PAPPA: variants seen among roughly 807,000 people sequenced by gnomAD.
PAPPA encodes the protein pappalysin-1.
A neutral mutation model predicts 164.0 loss-of-function variants in PAPPA; 60 were observed. The observed-to-expected ratio is 0.37, with a 90% CI of 0.30 to 0.45. The LOEUF (loss-of-function observed/expected upper bound fraction) is 0.45, where lower values mean the gene tolerates loss of function less well. Among genes scored for constraint, PAPPA ranks in the 20% least tolerant of loss-of-function variants. PAPPA has a pLI of 1.00. For synonymous variants in PAPPA, 875 were observed against 814.1 expected (o/e 1.07, Z -1.27); for missense variants, 1,782 against 2,087.3 (o/e 0.85, Z 2.85).
At chr9:116,372,812 AG>A (rs1207077951) in intron 19 of PAPPA, among the ~76,000 whole-genome samples, 1 of 152,180 alleles carries the variant, frequency 6.6e-6, no homozygotes, top group Admixed American at 6.5e-5. Flanking sequence ...ATGGTTTGCT[AG>A]GCAATTCTAT....
intron 6 of PAPPA, among the ~76,000 whole-genome samples, chr9:116,227,996 C>T (rs777330700): frequency 1.3e-5 from 2 of 152,108 alleles, no homozygotes; most frequent in Non-Finnish European, 2.9e-5. Flanking sequence ...ACATGTGTTG[C>T]AACTATTCCT....
At chr9:116,367,254 C>T (rs934158003) in intron 18 of PAPPA, among the ~76,000 whole-genome samples, 11 of 152,238 alleles carry the variant, frequency 7.2e-5, no homozygotes, top group Middle Eastern at 3.4e-3. Flanking sequence ...TAGTTCAGTC[C>T]GGTTGAACCA....
At chr9:116,246,724 G>T (rs1451018144) in intron 7 of PAPPA, among the ~76,000 whole-genome samples, 1 of 152,148 alleles carries the variant, frequency 6.6e-6, no homozygotes, top group African/African-American at 2.4e-5. Context: ...AGATAGAAAA[G>T]AAAATGAAGG....
intron 9 of PAPPA, among the ~76,000 whole-genome samples, chr9:116,281,242 C>G (rs1386929505): frequency 6.6e-6 from 1 of 152,020 alleles, no homozygotes; most frequent in Non-Finnish European, 1.5e-5. Context: ...TCGAAGATAC[C>G]TAGAGATGAC....
intron 17 of PAPPA, among the ~76,000 whole-genome samples, chr9:116,356,099 G>C (rs751276814): frequency 2.6e-5 from 4 of 152,068 alleles, no homozygotes; most frequent in Non-Finnish European, 5.9e-5. Flanking sequence ...CTGTTGTAGG[G>C]GAGAGTCACA....
intron 1 of PAPPA, among the ~76,000 whole-genome samples, chr9:116,174,676 C>A (rs1047963294): frequency 1.3e-4 from 19 of 151,980 alleles, no homozygotes; most frequent in African/African-American, 3.6e-4. Flanking sequence ...TGGATTAATT[C>A]TTTCTTTTAG....
chr9:116,198,663 G>A (rs971617753), intron 2 of PAPPA, among the ~76,000 whole-genome samples: 2 of 152,212 alleles, frequency 1.3e-5, no homozygotes, highest in African/African-American at 4.8e-5. Flanking sequence ...GTGTCCTAAA[G>A]GATGATTCGT....
intron 10 of PAPPA, among the ~76,000 whole-genome samples, chr9:116,306,586 A>G (rs975503569): frequency 4.6e-5 from 7 of 152,224 alleles, no homozygotes; most frequent in African/African-American, 1.2e-4. Context: ...TTCCTGGCCC[A>G]GCTGGAATCA....
chr9:116,388,333 C>T (rs1303238220), intron 21 of PAPPA, among the ~76,000 whole-genome samples: 3 of 152,162 alleles, frequency 2.0e-5, no homozygotes. Context: ...AATGGTTGCT[C>T]CAGTGGTTTC....
At chr9:116,188,334 G>T (rs961312734) in intron 2 of PAPPA, 118 bp downstream of exon 2, 4 of 708,306 alleles carry the variant, frequency 5.6e-6, no homozygotes, top group Non-Finnish European at 7.1e-6. Flanking sequence ...TCAACCAGCA[G>T]CTTCATGATT....
intron 7 of PAPPA, among the ~76,000 whole-genome samples, chr9:116,264,135 C>T (rs1016238804): frequency 1.3e-5 from 2 of 152,178 alleles, no homozygotes; most frequent in Admixed American, 6.5e-5. Flanking sequence ...TGTGTATCCC[C>T]TGGGATTGTT....
chr9:116,392,877 A>C (rs1007637781), intron 21 of PAPPA, among the ~76,000 whole-genome samples: 3 of 152,200 alleles, frequency 2.0e-5, no homozygotes, highest in Non-Finnish European at 2.9e-5. Flanking sequence ...AAAGTCATAC[A>C]GTTTCTGTAT....
chr9:116,292,115 C>T (rs1845443704), intron 9 of PAPPA, among the ~76,000 whole-genome samples: 1 of 152,076 alleles, frequency 6.6e-6, no homozygotes, highest in South Asian at 2.1e-4. Context: ...TGAATGAATG[C>T]ATGAATGAAT....
intron 21 of PAPPA, among the ~76,000 whole-genome samples, chr9:116,387,823 T>C (rs1018946331): frequency 6.6e-6 from 1 of 152,150 alleles, no homozygotes; most frequent in Non-Finnish European, 1.5e-5. Flanking sequence ...CCTTGGAACA[T>C]CCTTTTGCAG....
intron 2 of PAPPA, among the ~76,000 whole-genome samples, chr9:116,197,190 CA>C (rs779085890): frequency 6.6e-6 from 1 of 152,176 alleles, no homozygotes; most frequent in Non-Finnish European, 1.5e-5. Context: ...CACATATTCT[CA>C]AATTAGACAT....
intron 6 of PAPPA, among the ~76,000 whole-genome samples, chr9:116,229,620 C>T (rs1031444847): frequency 6.6e-5 from 10 of 152,096 alleles, no homozygotes; most frequent in East Asian, 1.9e-4. Flanking sequence ...CAGGTGAGGA[C>T]GGGTTTGGAT....
At chr9:116,311,035 G>C (rs2418440) in intron 10 of PAPPA, among the ~76,000 whole-genome samples, 143,636 of 151,172 alleles carry the variant, frequency 0.95, 68,697 homozygotes, top group East Asian at 1. Flanking sequence ...GGAACAAATC[G>C]AATTAGGAAC....
chr9:116,259,893 T>G (rs1587976418), intron 7 of PAPPA, among the ~76,000 whole-genome samples: 1 of 152,222 alleles, frequency 6.6e-6, no homozygotes, highest in East Asian at 1.9e-4. Flanking sequence ...ATAACAATAA[T>G]AGCAATAATA....
At chr9:116,314,327 C>T (rs1845761039) in intron 10 of PAPPA, among the ~76,000 whole-genome samples, 1 of 151,970 alleles carries the variant, frequency 6.6e-6, no homozygotes, top group South Asian at 2.1e-4. Flanking sequence ...CCTCAGCCTC[C>T]CAAAGTGCTG....
Sources: allele counts gnomAD v4.1 joint callset (sites outside exome capture counted in the v4.1 genomes callset), GRCh38; gene constraint gnomAD v4.1.1; transcripts MANE v1.5; gene names NCBI Gene and HGNC (gene_info 2026-07-23, HGNC 2026-07-21).